The following SLC37A1 variants were observed in gnomAD, a reference collection of about 807,000 sequenced individuals.
The protein encoded by SLC37A1 is solute carrier family 37 member 1, also known as glucose-6-phosphate exchanger SLC37A1.
SLC37A1 carries 49 observed loss-of-function variants against 75.3 expected under a neutral mutation model. That is an observed-to-expected ratio of 0.65 (90% CI 0.52 to 0.83). The LOEUF (loss-of-function observed/expected upper bound fraction) is 0.83, where lower values mean the gene tolerates loss of function less well. SLC37A1 is among the 40% of genes least tolerant of loss of function. SLC37A1 has a pLI of 0.00. For missense variants in SLC37A1, 566 were observed against 695.0 expected, an observed-to-expected ratio of 0.81 and a Z score of 2.09; for synonymous variants, 268 against 292.1, an observed-to-expected ratio of 0.92 and a Z score of 0.84.
At chr21:42,573,181 G>A (rs1601781931) in intron 17 of SLC37A1, among the ~76,000 whole-genome samples, 1 of 152,214 alleles carries the variant, frequency 6.6e-6, no homozygotes, top group Non-Finnish European at 1.5e-5. Flanking sequence ...GGGGCATCAG[G>A]AGGAGTCTCT....
intron 11 of SLC37A1, 39 bp downstream of exon 11, chr21:42,559,128 G>T (rs755287946): frequency 6.3e-7 from 1 of 1,586,674 alleles, no homozygotes; most frequent in South Asian, 1.1e-5. Flanking sequence ...AGAAAGGGCT[G>T]CTGTGCTGGC....
intron 3 of SLC37A1, among the ~76,000 whole-genome samples, chr21:42,533,371 A>G (rs2055046086): frequency 1.3e-5 from 2 of 152,200 alleles, no homozygotes; most frequent in South Asian, 4.1e-4. Context: ...ATAGTGCAGA[A>G]TGATCACTAC....
In SLC37A1 at chr21:42,547,320, A is replaced by T; in HGVS notation, c.768+180A>T. ...TCTGTTTTGGGTTTCGCTGATAATA[A>T]CCTTATCAGCAAAACCCAGACAAGA... On this transcript the variant is annotated intron_variant, in intron 9 of 19. Coordinates refer to ENST00000352133, the MANE Select transcript of SLC37A1 (RefSeq NM_001320537.2). The surrounding 1 kb of genome is among the most constrained non-coding windows in gnomAD (Gnocchi z 6.1). 1.6e-6 allele frequency: 1 copy of T among 644,466 alleles called. No homozygotes were observed. The highest frequency in any genetic ancestry group is 2.7e-6 in the Non-Finnish European group (1 of 368,636). The allele number at this position is 644,466 out of a possible 1,614,324, so 39.9% of individuals were successfully genotyped here. A position where few individuals can be genotyped will look rare whatever the true frequency, so the allele number is the denominator to read the frequency against.
At chr21:42,564,395 AAAAC>A (rs998824780) in intron 13 of SLC37A1, among the ~76,000 whole-genome samples, 31 of 151,982 alleles carry the variant, frequency 2.0e-4, no homozygotes, top group African/African-American at 6.8e-4. Flanking sequence ...TCTCAAAACT[AAAAC>A]AAAAAAAGCA....
intron 2 of SLC37A1, among the ~76,000 whole-genome samples, chr21:42,504,225 G>A (rs2054365021): frequency 6.6e-6 from 1 of 152,166 alleles, no homozygotes; most frequent in Non-Finnish European, 1.5e-5. Flanking sequence ...AGGGCACCAG[G>A]CTTTAGGATG....
intron 1 of SLC37A1, among the ~76,000 whole-genome samples, chr21:42,515,759 A>G (rs2146699723): frequency 6.6e-6 from 1 of 152,076 alleles, no homozygotes; most frequent in South Asian, 2.1e-4. Flanking sequence ...CTAAGTTACT[A>G]TCTTTTTATA....
At chr21:42,546,913 G>T (rs143803792) in intron 8 of SLC37A1, among the ~76,000 whole-genome samples, 190 bp from the exon 9 acceptor site, 174 of 152,298 alleles carry the variant, frequency 1.1e-3, no homozygotes, top group African/African-American at 3.9e-3. Flanking sequence ...CATAGCCATC[G>T]CAACTCACAG....
rs146865272 is a variant in SLC37A1, at chr21:42,558,978, G to A, written c.870G>A (p.Leu290=). The part of the protein sequence containing the change: ...NKPLDPEMQC[L]LLSDGKGSIH... ...TCCAGGACCCAGAGATGCAGTGCCT[G>A]CTGCTCTCAGATGGGAAGGGCTCCA... The change falls in exon 11 of 20, where the codon CTG becomes CTA. Residue 290 remains leucine, a synonymous_variant. Transcript: ENST00000352133. 45 of 1,613,864 alleles carry A rather than the reference G, an allele frequency of 2.8e-5. 1 individual carries two copies. The African/African-American group carries it at 5.1e-4, about 18-fold the overall frequency.
chr21:42,558,858 C>T (rs2055754308), intron 10 of SLC37A1, 100 bp from the exon 11 acceptor site: 2 of 1,489,190 alleles, frequency 1.3e-6, no homozygotes, highest in South Asian at 2.4e-5. Flanking sequence ...GAAGAGAGAG[C>T]CGCCAGGCAC....
intron 18 of SLC37A1, chr21:42,575,673 A>C: frequency 1.0e-6 from 1 of 985,520 alleles, no homozygotes; most frequent in Non-Finnish European, 1.2e-6. Context: ...ACTTCACCAG[A>C]CAAAACCTTA....
intron 3 of SLC37A1, among the ~76,000 whole-genome samples, chr21:42,532,464 G>C (rs1035472874): frequency 1.3e-5 from 2 of 152,168 alleles, no homozygotes; most frequent in Non-Finnish European, 2.9e-5. Context: ...TCTTCAGTCA[G>C]AGGTGAATTG....
At chr21:42,528,066 GA>G (rs1476267185) in intron 3 of SLC37A1, among the ~76,000 whole-genome samples, 2 of 152,204 alleles carry the variant, frequency 1.3e-5, no homozygotes, top group African/African-American at 4.8e-5. Flanking sequence ...TTGCTTACTT[GA>G]AATTGAACCA....
chr21:42,534,962 G>A, intron 4 of SLC37A1, 132 bp downstream of exon 4: 1 of 1,269,428 alleles, frequency 7.9e-7, no homozygotes, highest in South Asian at 1.6e-5. Context: ...CTACCAAAAA[G>A]CACATGACTT....
chr21:42,559,753 G>A (rs1328753176), intron 11 of SLC37A1, among the ~76,000 whole-genome samples: 5 of 152,122 alleles, frequency 3.3e-5, no homozygotes, highest in South Asian at 2.1e-4. Flanking sequence ...GCAGGCGCCT[G>A]TAGTCCTAGC....
intron 6 of SLC37A1, among the ~76,000 whole-genome samples, chr21:42,540,540 A>C (rs970897677): frequency 1.1e-4 from 16 of 152,192 alleles, no homozygotes; most frequent in Non-Finnish European, 2.1e-4. Context: ...AGGAGAGATC[A>C]TGAAGGTGCT....
chr21:42,557,463 G>T (rs1054071101), intron 10 of SLC37A1, among the ~76,000 whole-genome samples: 1 of 152,400 alleles, frequency 6.6e-6, no homozygotes, highest in South Asian at 2.1e-4. Flanking sequence ...TTCACGTGCC[G>T]TGATGGGATT....
chr21:42,555,660 C>G (rs75250395), intron 10 of SLC37A1, among the ~76,000 whole-genome samples: 21,517 of 152,250 alleles, frequency 0.14, 2,189 homozygotes, highest in African/African-American at 0.28. Context: ...CCTGCCACTT[C>G]TTCTGAATCA....
upstream of SLC37A1, among the ~76,000 whole-genome samples, chr21:42,510,091 G>T (rs1259909222): frequency 6.6e-6 from 1 of 152,182 alleles, no homozygotes; most frequent in Non-Finnish European, 1.5e-5. Flanking sequence ...GCAGTGATGC[G>T]ATCTCAGCTC....
rs200201215 is a variant in SLC37A1, at chr21:42,559,055, C to T, written c.947C>T (p.Ala316Val). 2 of 1,613,040 alleles carry T rather than the reference C, an allele frequency of 1.2e-6. No individual in the cohort carries two copies. Among genetic ancestry groups the T allele is most frequent in the Admixed American group, 3.3e-5 (2 of 59,810 alleles). ...CCCGGGGACGGTGGGAGTGGCACGG[C>T]CGCCATCAGCTTCACAGGGGCCTTG... Reference protein sequence around the residue: ...ILPGDGGSGTAAISFTGALKI... With the variant: ...ILPGDGGSGTVAISFTGALKI... Residue 316 changes from alanine to valine, a missense_variant, in exon 11 of 20, where the codon GCC (alanine) becomes GTC (valine). Coordinates refer to ENST00000352133, the MANE Select transcript of SLC37A1 (RefSeq NM_001320537.2).
Sources: gnomAD v4.1 joint callset for allele counts (sites outside exome capture counted in the v4.1 genomes callset) on GRCh38, gnomAD v4.1.1 for gene constraint, Gnocchi (gnomAD v3.1) non-coding constraint, MANE v1.5 for transcripts, NCBI Gene and HGNC (gene_info 2026-07-23, HGNC 2026-07-21) for gene names.